The following AMY2A variants were observed in gnomAD, a reference collection of about 807,000 sequenced individuals.
AMY2A encodes the protein pancreatic alpha-amylase.
Under a neutral mutation model 43.0 loss-of-function variants are expected in AMY2A, and 16 were observed. That is an observed-to-expected ratio of 0.37 (90% confidence interval 0.25 to 0.56). The LOEUF (loss-of-function observed/expected upper bound fraction) is 0.56, where lower values mean the gene tolerates loss of function less well. Ranked by LOEUF, AMY2A falls within the 20% of genes least tolerant of loss-of-function variation. The pLI, the probability that AMY2A is intolerant of heterozygous loss-of-function variation, is 0.77. For missense variants in AMY2A, 212 were observed against 456.8 expected (o/e 0.46, Z 4.89); for synonymous variants, 70 against 144.6 (o/e 0.48, Z 3.70).
chr1:103,617,867 C>T, intron 1 of AMY2A, 87 bp from the exon 2 acceptor site: 1 of 1,584,146 alleles, frequency 6.3e-7, no homozygotes. Flanking sequence ...ATTCAAGAAT[C>T]TTTTATACTA....
At chr1:103,617,319 C>A, upstream of AMY2A, 3 of 1,522,756 alleles carry the variant, frequency 2.0e-6, no homozygotes, top group Non-Finnish European at 2.7e-6. Context: ...TAATCCTTTT[C>A]AGATTATGAA....
chr1:103,618,547 C>A (rs2101098809), intron 2 of AMY2A, among the ~76,000 whole-genome samples: 1 of 150,786 alleles, frequency 6.6e-6, no homozygotes, highest in Middle Eastern at 3.4e-3. Flanking sequence ...TCTTCAAAAG[C>A]TTCATAGAGA....
intron 2 of AMY2A, among the ~76,000 whole-genome samples, chr1:103,618,465 T>G (rs184381924): frequency 1.3e-5 from 2 of 150,738 alleles, no homozygotes; most frequent in African/African-American, 4.8e-5. Flanking sequence ...AATTCTTGGG[T>G]TTTTCATGGT....
rs760927676 is a variant in AMY2A, at chr1:103,618,956, G to A, written c.361G>A (p.Ala121Thr). Residue 121 changes from alanine to threonine, a missense_variant, in exon 3 of 10, where the codon GCT becomes ACT. Physicochemically the swap from Ala to Thr is moderately conservative, Grantham distance 58. Coordinates refer to ENST00000414303, the MANE Select transcript of AMY2A (RefSeq NM_000699.4). ...TGTAATTAATCATATGTGTGGTAAC[G>A]CTGTGAGTGCAGGAACAAGCAGTAC... is the stretch of plus-strand genomic sequence containing the variant. ...DAVINHMCGN[A>T]VSAGTSSTCG... is the part of the protein sequence containing the mutation. The A allele has an allele frequency of 9.2e-6, 13 of 1,420,554 alleles. No homozygotes were observed. The highest frequency in any genetic ancestry group is 7.5e-5 in the African/African-American group (5 of 66,916). 88.0% of individuals were successfully genotyped at this position (1,420,554 alleles called of 1,614,324 possible). A position where few individuals can be genotyped will look rare whatever the true frequency, so the allele number is the denominator to read the frequency against.
intron 1 of AMY2A, 70 bp from the exon 2 acceptor site, chr1:103,617,884 A>G (rs1418217466): frequency 6.3e-7 from 1 of 1,592,222 alleles, no homozygotes; most frequent in Non-Finnish European, 8.6e-7. Flanking sequence ...ACTATTGATT[A>G]GTTTCTAGAA....
At position 103,617,635 on chromosome 1, in the gene AMY2A, C is replaced by T. The variant is rs138672248; in HGVS notation, c.168+27C>T. Reference sequence around the variant, plus strand: ...TGGGTATGATTCATAGTATCAATTGCGGAATTCACTGTGCTTGTAGGAAAT... The same window carrying T: ...TGGGTATGATTCATAGTATCAATTGTGGAATTCACTGTGCTTGTAGGAAAT... On this transcript the variant is annotated intron_variant, in intron 1 of 9. Coordinates refer to ENST00000414303, the MANE Select transcript of AMY2A (RefSeq NM_000699.4). 2,053 of 1,600,764 alleles carry T rather than the reference C, an allele frequency of 1.3e-3. 60 individuals are homozygous for T. The African/African-American group carries it at 0.015, about 12-fold the overall frequency.
upstream of AMY2A, chr1:103,617,101 T>C (rs1336527638): frequency 1.0e-6 from 1 of 967,004 alleles, no homozygotes; most frequent in East Asian, 5.4e-5. Flanking sequence ...AGTTTTTTTG[T>C]ATGCCATTCT....
rs1348601676 is a variant in AMY2A at position 103,618,032 on chromosome 1, A to AGG, written c.247_248insGG (p.Lys83ArgfsTer17). 1.2e-6 allele frequency: 2 copies of AGG among 1,600,562 alleles called. No individual in the cohort carries two copies. The highest frequency in any genetic ancestry group is 1.7e-6 in the Non-Finnish European group (2 of 1,170,718). On this transcript the variant is annotated frameshift_variant, in exon 2 of 10. Transcript: ENST00000414303. LOFTEE classifies it high-confidence loss of function. ...GGAAAGATACCAACCAGTTAGCTAT[A>AGG]AATTATGCACAAGATCTGGAAATGA...
chr1:103,618,177 G>A (rs1653132390), intron 2 of AMY2A, 77 bp downstream of exon 2: 2 of 1,515,174 alleles, frequency 1.3e-6, no homozygotes, highest in Non-Finnish European at 1.8e-6. Flanking sequence ...CTCCTTTTCA[G>A]CAGAAAATTT....
chr1:103,617,989 C>T lies in AMY2A; in HGVS notation c.204C>T (p.Asn68=), dbSNP rs1444178335. 6.2e-7 allele frequency: 1 copy of T among 1,600,514 alleles called. No homozygotes were observed. The change falls in exon 2 of 10, where the codon AAC becomes AAT. Residue 68 remains asparagine (N), a synonymous_variant. Coordinates refer to ENST00000414303, the MANE Select transcript of AMY2A (RefSeq NM_000699.4). ...SPPNENVAIY[N]PFRPWWERYQ... ...CAAATGAAAATGTTGCAATTTACAA[C>T]CCTTTCAGACCTTGGTGGGAAAGAT...
chr1:103,619,911 A>C (rs1176191750), intron 4 of AMY2A, 127 bp downstream of exon 4: 2 of 1,481,948 alleles, frequency 1.3e-6, no homozygotes, highest in African/African-American at 2.8e-5. Flanking sequence ...GTGTTCTTTA[A>C]CCTCCTCTTC....
At chr1:103,617,691 C>T in intron 1 of AMY2A, 83 bp downstream of exon 1, 1 of 1,594,638 alleles carries the variant, frequency 6.3e-7, no homozygotes, top group East Asian at 2.2e-5. Flanking sequence ...GAAGCTTGGG[C>T]AACATTTTAC....
In AMY2A at chr1:103,617,558, G is replaced by T. The variant is rs1280997903; in HGVS notation, c.118G>T (p.Ala40Ser). ...GTTTGAATGGCGATGGGTTGATATTGCTCTTGAATGTGAGCGATATTTAGC... is the reference window on the plus strand; with the variant it reads ...GTTTGAATGGCGATGGGTTGATATTTCTCTTGAATGTGAGCGATATTTAGC... ...HLFEWRWVDI[A>S]LECERYLAPK... is the part of the protein sequence containing the mutation. The change falls in exon 1 of 10, where the codon GCT (alanine) becomes TCT (serine). Residue 40 changes from alanine (A) to serine (S), a missense_variant. Ala to Ser is a moderately conservative substitution (Grantham distance 99). Coordinates refer to ENST00000414303, the MANE Select transcript of AMY2A (RefSeq NM_000699.4). 1 of 1,600,752 alleles carries T rather than the reference G, an allele frequency of 6.2e-7. No homozygotes were observed. Among genetic ancestry groups the T allele is most frequent in the African/African-American group, 1.3e-5 (1 of 74,616 alleles).
In AMY2A at chr1:103,619,893, A is replaced by C. The variant is rs1049068556; in HGVS notation, c.744+109A>C. 5.4e-6 allele frequency: 8 copies of C among 1,490,382 alleles called. No homozygotes were observed. The Admixed American group carries it at 1.5e-4, about 28-fold the overall frequency. 92.3% of individuals were successfully genotyped at this position (1,490,382 alleles called of 1,614,324 possible). A position where few individuals can be genotyped will look rare whatever the true frequency, so the allele number is the denominator to read the frequency against. On this transcript the variant is annotated intron_variant, in intron 4 of 9. Coordinates refer to ENST00000414303, the MANE Select transcript of AMY2A (RefSeq NM_000699.4). ...GTAGGATAAGGAATGAGACATTTAC[A>C]TAAAACAGTGTTCTTTAACCTCCTC...
chr1:103,619,941 A>C, intron 4 of AMY2A, 157 bp downstream of exon 4: 3 of 1,399,732 alleles, frequency 2.1e-6, no homozygotes, highest in Admixed American at 4.6e-5. Context: ...AGCATATCTA[A>C]TTCTTTATCA....
At position 103,619,145 on chromosome 1, in the gene AMY2A, A is replaced by G. The variant is rs1440706208; in HGVS notation, c.513+37A>G. 29 of 695,288 alleles carry G rather than the reference A, an allele frequency of 4.2e-5. 1 individual carries two copies. In the East Asian group the frequency reaches 6.0e-4, roughly 14 times the overall value. 43.1% of individuals were successfully genotyped at this position (695,288 alleles called of 1,614,324 possible). A position where few individuals can be genotyped will look rare whatever the true frequency, so the allele number is the denominator to read the frequency against. On this transcript the variant is annotated intron_variant, in intron 3 of 9. Transcript: ENST00000414303. ...ACGAGAGTGATCTGAATAAAAGAGTAATATATGCCTTTTCTTGTAGACATG... is the reference window on the plus strand; with the variant it reads ...ACGAGAGTGATCTGAATAAAAGAGTGATATATGCCTTTTCTTGTAGACATG...
upstream of AMY2A, chr1:103,617,276 T>C (rs1653102539): frequency 4.4e-6 from 6 of 1,377,524 alleles, 1 homozygote; most frequent in Non-Finnish European, 3.9e-6. Flanking sequence ...GAGAGACTTT[T>C]TGATGTTCTT....
upstream of AMY2A, chr1:103,617,099 TG>T: frequency 2.1e-6 from 2 of 965,172 alleles, no homozygotes; most frequent in Non-Finnish European, 2.7e-6. Context: ...AAAGTTTTTT[TG>T]TATGCCATTC....
upstream of AMY2A, chr1:103,617,399 A>G: frequency 1.3e-6 from 2 of 1,579,544 alleles, 1 homozygote; most frequent in Non-Finnish European, 1.7e-6. Context: ...TTACAGGAAT[A>G]TAAATAGTTT....
Sources: gnomAD v4.1 joint callset for allele counts (sites outside exome capture counted in the v4.1 genomes callset) on GRCh38, gnomAD v4.1.1 for gene constraint, MANE v1.5 for transcripts, NCBI Gene and HGNC (gene_info 2026-07-23, HGNC 2026-07-21) for gene names.